Variants in NHSL1 observed in about 807,000 individuals in gnomAD.
NHSL1 encodes NHS-like protein 1.
Under a neutral mutation model 95.0 loss-of-function variants are expected in NHSL1, and 48 were observed. The observed-to-expected ratio is 0.51, with a 90% CI of 0.40 to 0.64. The LOEUF is 0.64. NHSL1 is among the 30% of genes least tolerant of loss of function. The probability of loss-of-function intolerance (pLI) is 0.00; values close to 1 mark genes in which losing one functional copy is unlikely to be tolerated. For missense variants in NHSL1, 1,971 were observed against 2,077.7 expected (o/e 0.95, Z 1.00); for synonymous variants, 783 against 833.9 (o/e 0.94, Z 1.05).
At chr6:138,444,111 A>T (rs972332780) in intron 4 of NHSL1, among the ~76,000 whole-genome samples, 1 of 152,188 alleles carries the variant, frequency 6.6e-6, no homozygotes, top group African/African-American at 2.4e-5. Context: ...GCAGTTATTC[A>T]ATAAATATCT....
chr6:138,564,651 T>TAAA (rs111960358), intron 1 of NHSL1, among the ~76,000 whole-genome samples: 41 of 139,522 alleles, frequency 2.9e-4, no homozygotes, highest in Middle Eastern at 3.8e-3. Flanking sequence ...GCCTTGGGGA[T>TAAA]AAAAAAAAAA....
chr6:138,449,150 T>A (rs1306609901), intron 3 of NHSL1, among the ~76,000 whole-genome samples: 1 of 152,116 alleles, frequency 6.6e-6, no homozygotes, highest in African/African-American at 2.4e-5. Context: ...GTATTTATTC[T>A]ACAACTACTA....
intron 1 of NHSL1, among the ~76,000 whole-genome samples, chr6:138,597,140 G>A (rs977063583): frequency 5.9e-5 from 9 of 152,230 alleles, no homozygotes; most frequent in African/African-American, 2.2e-4. Context: ...CAGCCTGGGC[G>A]ACAGAGTGAG....
At chr6:138,601,501 A>C (rs1057306526) in intron 1 of NHSL1, among the ~76,000 whole-genome samples, 1 of 152,172 alleles carries the variant, frequency 6.6e-6, no homozygotes, top group African/African-American at 2.4e-5. Context: ...TGAATCTAAA[A>C]TGATTAATAC....
intron 1 of NHSL1, among the ~76,000 whole-genome samples, chr6:138,610,737 C>A (rs1784501145): frequency 6.6e-6 from 1 of 151,858 alleles, no homozygotes; most frequent in Admixed American, 6.6e-5. Context: ...ATTCCAAAAG[C>A]CAGAGAAGCC....
chr6:138,540,019 A>G (rs1043705653), intron 1 of NHSL1, among the ~76,000 whole-genome samples: 1 of 152,248 alleles, frequency 6.6e-6, no homozygotes, highest in Non-Finnish European at 1.5e-5. Context: ...GCTTTGTTTC[A>G]TTTATTAAAT....
intron 3 of NHSL1, among the ~76,000 whole-genome samples, chr6:138,453,121 C>T (rs893003155): frequency 3.3e-5 from 5 of 150,650 alleles, no homozygotes; most frequent in Non-Finnish European, 7.4e-5. Flanking sequence ...ATTACAGGCA[C>T]GTGCCACCAT....
At chr6:138,546,311 G>A (rs978278740), upstream of NHSL1, among the ~76,000 whole-genome samples, 2 of 151,510 alleles carry the variant, frequency 1.3e-5, no homozygotes, top group East Asian at 3.9e-4. Flanking sequence ...TAAAAACGGG[G>A]CGGACATGGT....
intron 3 of NHSL1, among the ~76,000 whole-genome samples, chr6:138,461,776 G>C (rs1396686076): frequency 1.3e-5 from 2 of 152,122 alleles, no homozygotes; most frequent in Non-Finnish European, 2.9e-5. Context: ...ATTTGAGGGG[G>C]ATGAAAGGTC....
chr6:138,429,604 T>A, intron 7 of NHSL1, 107 bp downstream of exon 7: 1 of 1,007,130 alleles, frequency 9.9e-7, no homozygotes, highest in Non-Finnish European at 1.4e-6. Flanking sequence ...TAAGGAGTTA[T>A]GATTGGGTGA....
upstream of NHSL1, among the ~76,000 whole-genome samples, chr6:138,550,362 T>C (rs1782956353): frequency 6.6e-6 from 1 of 152,230 alleles, no homozygotes; most frequent in African/African-American, 2.4e-5. Context: ...ATTGAAATTA[T>C]GATTGTCTGA....
chr6:138,636,822 A>C (rs990300422), intron 1 of NHSL1, among the ~76,000 whole-genome samples: 1 of 152,222 alleles, frequency 6.6e-6, no homozygotes, highest in Non-Finnish European at 1.5e-5. Flanking sequence ...ACATTGTTAA[A>C]ATGTTCACAC....
chr6:138,555,212 C>CTTTCTT (rs750678465), intron 1 of NHSL1, among the ~76,000 whole-genome samples: 167 of 152,256 alleles, frequency 1.1e-3, no homozygotes, highest in Non-Finnish European at 1.9e-3. Flanking sequence ...TGTTTTACCT[C>CTTTCTT]TCTCTTTCTC....
intron 1 of NHSL1, among the ~76,000 whole-genome samples, chr6:138,623,328 C>T (rs1784691571): frequency 6.6e-6 from 1 of 152,058 alleles, no homozygotes; most frequent in Non-Finnish European, 1.5e-5. Context: ...CAACAGGGCC[C>T]GGAGTGCAAC....
chr6:138,614,793 A>AT (rs1784557141), intron 1 of NHSL1, among the ~76,000 whole-genome samples: 1 of 152,156 alleles, frequency 6.6e-6, no homozygotes. Context: ...GCGGCATCAG[A>AT]TTCTCATAGA....
chr6:138,600,714 C>T (rs1784360477), intron 1 of NHSL1, among the ~76,000 whole-genome samples: 1 of 152,178 alleles, frequency 6.6e-6, no homozygotes. Context: ...TAAACCAACA[C>T]TTAGATCTTA....
At position 138,430,566 on chromosome 6, in the gene NHSL1, G is replaced by A. The variant is rs932622776; in HGVS notation, c.3779C>T (p.Thr1260Ile). 1.3e-6 allele frequency: 2 copies of A among 1,550,758 alleles called. No individual in the cohort carries two copies. The highest frequency in any genetic ancestry group is 1.7e-6 in the Non-Finnish European group (2 of 1,146,318). ...TGCAGCTCCTCCCTCAAGAACCGAGGTGCCAGGGTGCGTGGCATGAGAGCC... is the reference window on the plus strand; with the variant it reads ...TGCAGCTCCTCCCTCAAGAACCGAGATGCCAGGGTGCGTGGCATGAGAGCC... ...QAGSHATHPG[T>I]SVLEGGAAGS... The change falls in exon 6 of 8, where the codon ACC becomes ATC. Residue 1260 changes from threonine to isoleucine, a missense_variant. Physicochemically the swap from Thr to Ile is moderately conservative, Grantham distance 89 (BLOSUM62 -1). Coordinates refer to ENST00000343505, the MANE Select transcript of NHSL1 (RefSeq NM_001144060.2). This position sits in a 1 kb window ranked among gnomAD's most constrained non-coding sequence, Gnocchi z 4.7.
intron 1 of NHSL1, among the ~76,000 whole-genome samples, chr6:138,497,904 G>A (rs1780450847): frequency 6.6e-6 from 1 of 152,188 alleles, no homozygotes; most frequent in South Asian, 2.1e-4. Context: ...TTGAGAACTA[G>A]ATATCAAGTT....
At chr6:138,477,962 G>A (rs189705311) in intron 2 of NHSL1, among the ~76,000 whole-genome samples, 23 of 145,748 alleles carry the variant, frequency 1.6e-4, no homozygotes, top group Admixed American at 9.7e-4. Flanking sequence ...ACCTTTTTGA[G>A]CCCAGTTTAG....
Sources: allele counts gnomAD v4.1 joint callset (sites outside exome capture counted in the v4.1 genomes callset), GRCh38; gene constraint gnomAD v4.1.1; non-coding constraint Gnocchi (gnomAD v3.1); transcripts MANE v1.5; gene names NCBI Gene and HGNC (gene_info 2026-07-23, HGNC 2026-07-21).